LRRC55: variants seen among roughly 807,000 people sequenced by gnomAD.
LRRC55 encodes leucine-rich repeat-containing protein 55.
LRRC55 carries 11 observed loss-of-function variants against 20.5 expected under a neutral mutation model. The observed-to-expected ratio is 0.54, with a 90% CI of 0.34 to 0.89. The LOEUF is 0.89. LRRC55 is among the 40% of genes least tolerant of loss of function. The pLI is 0.02. For synonymous variants in LRRC55, 188 were observed against 166.6 expected, an observed-to-expected ratio of 1.13 and a Z score of -0.99; for missense variants, 358 against 390.9, an observed-to-expected ratio of 0.92 and a Z score of 0.71.
intron 1 of LRRC55, 75 bp downstream of exon 1, chr11:57,182,758 G>C: frequency 7.3e-7 from 1 of 1,372,330 alleles, no homozygotes; most frequent in Non-Finnish European, 9.5e-7. Context: ...CAAAGAAAGC[G>C]GGGGAACTTA....
Position 57,181,989 on chromosome 11 carries a change from C to A in LRRC55, c.-34C>A, listed in dbSNP as rs755135062. ...ATTCCATGGACACAGTCCTCATGGG[C>A]TCCCTCCAGCACTGCTGTTGCCTGC... On this transcript the variant is annotated 5_prime_UTR_variant, in exon 1 of 2. Coordinates refer to ENST00000497933, the MANE Select transcript of LRRC55 (RefSeq NM_001005210.4). 46 of 1,614,056 alleles carry A rather than the reference C, an allele frequency of 2.8e-5. No homozygotes were observed. The highest frequency in any genetic ancestry group is 2.7e-4 in the East Asian group (12 of 44,890).
In LRRC55 at chr11:57,189,154, G is replaced by A. The variant is rs1167412013; in HGVS notation, c.*1674G>A. 2 of 152,160 alleles carry A rather than the reference G, an allele frequency of 1.3e-5. No homozygotes were observed. Among genetic ancestry groups the A allele is most frequent in the African/African-American group, 4.8e-5 (2 of 41,432 alleles). The allele number at this position is 152,160 out of a possible 1,614,324, so 9.4% of individuals were successfully genotyped here. A position where few individuals can be genotyped will look rare whatever the true frequency, so the allele number is the denominator to read the frequency against. Reference sequence around the variant, plus strand: ...ATTCTCCTTGACTTTTCACATCCCTGTGCAGGAGGTAAATCAAACATCAGT... The same window carrying A: ...ATTCTCCTTGACTTTTCACATCCCTATGCAGGAGGTAAATCAAACATCAGT... On this transcript the variant is annotated 3_prime_UTR_variant, in exon 2 of 2. Transcript: ENST00000497933.
intron 1 of LRRC55, among the ~76,000 whole-genome samples, chr11:57,183,318 G>T (rs571513211): frequency 6.6e-6 from 1 of 152,154 alleles, no homozygotes; most frequent in African/African-American, 2.4e-5. Context: ...CTTAAGTTGC[G>T]TGACAGCCAA....
In LRRC55 at chr11:57,191,482, C is replaced by T. The variant is rs902448996; in HGVS notation, c.*4002C>T. 1 of 150,212 alleles carries T rather than the reference C, an allele frequency of 6.7e-6. No homozygotes were observed. Among genetic ancestry groups the T allele is most frequent in the African/African-American group, 2.4e-5 (1 of 40,896 alleles). 9.3% of individuals were successfully genotyped at this position (150,212 alleles called of 1,614,324 possible). A position where few individuals can be genotyped will look rare whatever the true frequency, so the allele number is the denominator to read the frequency against. ...GGGCGTCACAAGGTCTTTTGTAAAT[C>T]ACTATTGTGTTTGTCACAGCACTGG... On this transcript the variant is annotated 3_prime_UTR_variant, in exon 2 of 2. Transcript: ENST00000497933.
At position 57,187,370 on chromosome 11, in the gene LRRC55, T is replaced by A. The variant is rs756976866; in HGVS notation, c.787T>A (p.Phe263Ile). Reference sequence around the variant, plus strand: ...CCTGGATGATTACCTATTCATTGCGTTCGTGGGCTTCGTGGTCTCCATTGC... The same window carrying A: ...CCTGGATGATTACCTATTCATTGCGATCGTGGGCTTCGTGGTCTCCATTGC... ...LTLDDYLFIA[F>I]VGFVVSIASV... The change falls in exon 2 of 2, where the codon TTC becomes ATC. Residue 263 changes from phenylalanine to isoleucine, a missense_variant. By Grantham distance (21) the Phe-to-Ile change is conservative (BLOSUM62 0). This residue lies in a region of LRRC55 where 178 missense variants were observed against 207.9 expected (regional missense o/e 0.86). Transcript: ENST00000497933. 9.9e-6 allele frequency: 16 copies of A among 1,614,074 alleles called. No homozygotes were observed. The highest frequency in any genetic ancestry group is 1.3e-5 in the African/African-American group (1 of 74,926).
intron 1 of LRRC55, among the ~76,000 whole-genome samples, chr11:57,185,839 A>G (rs1854425067): frequency 6.6e-6 from 1 of 152,128 alleles, no homozygotes; most frequent in African/African-American, 2.4e-5. Context: ...TGACCCCAGA[A>G]GAATGAGATG....
In LRRC55 at chr11:57,188,377, G is replaced by A. The variant is rs187279582; in HGVS notation, c.*897G>A. On this transcript the variant is annotated 3_prime_UTR_variant, in exon 2 of 2. Transcript: ENST00000497933. ...CAGGGTCTCACCAGGAAAGTGCACTGTGGGCCACAGACCCACAGCCTGGCA... is the reference window on the plus strand; with the variant it reads ...CAGGGTCTCACCAGGAAAGTGCACTATGGGCCACAGACCCACAGCCTGGCA... 4.6e-5 allele frequency: 7 copies of A among 152,848 alleles called. No individual in the cohort carries two copies. The highest frequency in any genetic ancestry group is 8.8e-5 in the Non-Finnish European group (6 of 68,110). 9.5% of individuals were successfully genotyped at this position (152,848 alleles called of 1,614,324 possible). A position where few individuals can be genotyped will look rare whatever the true frequency, so the allele number is the denominator to read the frequency against.
chr11:57,187,872 T>C lies in LRRC55; in HGVS notation c.*392T>C, dbSNP rs1854455738. ...ATTTGTGAACTGGGTCATCAGGAAA[T>C]ATCTACTTTGTCAGGTAGGCAAAGA... is the stretch of plus-strand genomic sequence containing the variant. On this transcript the variant is annotated 3_prime_UTR_variant, in exon 2 of 2. Transcript: ENST00000497933. 3.4e-6 allele frequency: 1 copy of C among 293,366 alleles called. No individual in the cohort carries two copies. Among genetic ancestry groups the C allele is most frequent in the South Asian group, 3.5e-5 (1 of 28,394 alleles). 18.2% of individuals were successfully genotyped at this position (293,366 alleles called of 1,614,324 possible). A position where few individuals can be genotyped will look rare whatever the true frequency, so the allele number is the denominator to read the frequency against.
chr11:57,183,754 G>A (rs149664483), intron 1 of LRRC55, among the ~76,000 whole-genome samples: 212 of 152,314 alleles, frequency 1.4e-3, no homozygotes, highest in African/African-American at 4.8e-3. Flanking sequence ...ACTGAGATGC[G>A]GCAACTCAAC....
Position 57,182,015 on chromosome 11 carries a change from T to G in LRRC55, c.-8T>G. 6.2e-7 allele frequency: 1 copy of G among 1,614,196 alleles called. No homozygotes were observed. Among genetic ancestry groups the G allele is most frequent in the Non-Finnish European group, 8.5e-7 (1 of 1,180,034 alleles). On this transcript the variant is annotated 5_prime_UTR_variant, in exon 1 of 2. Transcript: ENST00000497933. ...TCCCTCCAGCACTGCTGTTGCCTGC[T>G]GCCTAAGATGGGTGACACTTGGGCC...
Position 57,182,211 on chromosome 11 carries a change from G to A in LRRC55, c.189G>A (p.Leu63=), listed in dbSNP as rs753842687. The A allele has an allele frequency of 4.3e-6, 7 of 1,614,194 alleles. No homozygotes were observed. Among genetic ancestry groups the A allele is most frequent in the Non-Finnish European group, 5.9e-6 (7 of 1,180,042 alleles). Residue 63 remains leucine (L), a synonymous_variant, in exon 1 of 2, where the codon CTG becomes CTA. Coordinates refer to ENST00000497933, the MANE Select transcript of LRRC55 (RefSeq NM_001005210.4). The part of the protein sequence containing the change: ...SQRLFSVPPD[L]PMDTRNLSLA... ...GGCTATTCTCCGTGCCCCCAGACCT[G>A]CCAATGGACACCCGAAACCTCAGCC...
rs1327194786 is a variant in LRRC55, at chr11:57,191,083, T to A, written c.*3603T>A. The stretch of plus-strand genomic sequence containing the variant: ...ATTCCTTTTTAGAAGAGCCCTCATA[T>A]CTGAATCACATCACTTTGGGCCAGT... On this transcript the variant is annotated 3_prime_UTR_variant, in exon 2 of 2. Transcript: ENST00000497933. The A allele has an allele frequency of 6.6e-6, 1 of 152,170 alleles. No homozygotes were observed. The highest frequency in any genetic ancestry group is 2.4e-5 in the African/African-American group (1 of 41,440). 9.4% of individuals were successfully genotyped at this position (152,170 alleles called of 1,614,324 possible). A position where few individuals can be genotyped will look rare whatever the true frequency, so the allele number is the denominator to read the frequency against.
rs1241675195 is a variant in LRRC55 at position 57,190,535 on chromosome 11, A to T, written c.*3055A>T. 6.6e-6 allele frequency: 1 copy of T among 152,226 alleles called. No individual in the cohort carries two copies. The highest frequency in any genetic ancestry group is 2.4e-5 in the African/African-American group (1 of 41,478). 9.4% of individuals were successfully genotyped at this position (152,226 alleles called of 1,614,324 possible). ...CATATCCCTGGTGACCACAGGCTTC[A>T]TTCAAATTGTCCAAACTGGTTAACA... is the stretch of plus-strand genomic sequence containing the variant. On this transcript the variant is annotated 3_prime_UTR_variant, in exon 2 of 2. Transcript: ENST00000497933.
At position 57,187,530 on chromosome 11, in the gene LRRC55, C is replaced by T. The variant is rs1854449822; in HGVS notation, c.*50C>T. ...GCTGCTGACCGCCACAGCTGCTGGC[C>T]ACCAGACGCCCTCCCTGACTGCTCA... On this transcript the variant is annotated 3_prime_UTR_variant, in exon 2 of 2. Transcript: ENST00000497933. 1 of 1,522,746 alleles carries T rather than the reference C, an allele frequency of 6.6e-7. No homozygotes were observed. Among genetic ancestry groups the T allele is most frequent in the South Asian group, 1.2e-5 (1 of 86,700 alleles). The allele number at this position is 1,522,746 out of a possible 1,614,324, so 94.3% of individuals were successfully genotyped here. A position where few individuals can be genotyped will look rare whatever the true frequency, so the allele number is the denominator to read the frequency against.
Position 57,188,581 on chromosome 11 carries a change from C to A in LRRC55, c.*1101C>A, listed in dbSNP as rs907205623. On this transcript the variant is annotated 3_prime_UTR_variant, in exon 2 of 2. Coordinates refer to ENST00000497933, the MANE Select transcript of LRRC55 (RefSeq NM_001005210.4). ...TGCACAAACCATTCCCTTTGACACACACACACACAAATCTTTTGAGGTGAA... is the reference window on the plus strand; with the variant it reads ...TGCACAAACCATTCCCTTTGACACAAACACACACAAATCTTTTGAGGTGAA... 6.6e-6 allele frequency: 1 copy of A among 152,214 alleles called. No individual in the cohort carries two copies. Among genetic ancestry groups the A allele is most frequent in the Non-Finnish European group, 1.5e-5 (1 of 68,036 alleles). The allele number at this position is 152,214 out of a possible 1,614,324, so 9.4% of individuals were successfully genotyped here. A position where few individuals can be genotyped will look rare whatever the true frequency, so the allele number is the denominator to read the frequency against.
At chr11:57,183,474 C>G (rs1006932016) in intron 1 of LRRC55, among the ~76,000 whole-genome samples, 1 of 152,182 alleles carries the variant, frequency 6.6e-6, no homozygotes, top group African/African-American at 2.4e-5. Context: ...CAGAGAGGTT[C>G]AGTAGCTTGT....
rs1590514181 is a variant in LRRC55 at position 57,189,555 on chromosome 11, T to A, written c.*2075T>A. 6.6e-6 allele frequency: 1 copy of A among 152,146 alleles called. No individual in the cohort carries two copies. Among genetic ancestry groups the A allele is most frequent in the Non-Finnish European group, 1.5e-5 (1 of 68,052 alleles). 9.4% of individuals were successfully genotyped at this position (152,146 alleles called of 1,614,324 possible). ...GCAGTCATGTGAAAAGTAAGATCTTTGGGAATCAAGAAAGGAAGCTGTGTT... is the reference window on the plus strand; with the variant it reads ...GCAGTCATGTGAAAAGTAAGATCTTAGGGAATCAAGAAAGGAAGCTGTGTT... On this transcript the variant is annotated 3_prime_UTR_variant, in exon 2 of 2. Coordinates refer to ENST00000497933, the MANE Select transcript of LRRC55 (RefSeq NM_001005210.4).
Position 57,187,894 on chromosome 11 carries a change from A to G in LRRC55, c.*414A>G. 3.5e-6 allele frequency: 1 copy of G among 283,280 alleles called. No homozygotes were observed. The highest frequency in any genetic ancestry group is 6.8e-6 in the Non-Finnish European group (1 of 147,938). The allele number at this position is 283,280 out of a possible 1,614,324, so 17.5% of individuals were successfully genotyped here. On this transcript the variant is annotated 3_prime_UTR_variant, in exon 2 of 2. Transcript: ENST00000497933. ...AAATATCTACTTTGTCAGGTAGGCA[A>G]AGAAGGGTGTCTGCACATGGCAGAG...
At chr11:57,184,610 C>T (rs1854405255) in intron 1 of LRRC55, among the ~76,000 whole-genome samples, 3 of 152,240 alleles carry the variant, frequency 2.0e-5, no homozygotes, top group African/African-American at 7.2e-5. Flanking sequence ...AGGTGATGCT[C>T]TTCCCTTTAG....
Sources: gnomAD v4.1 joint callset for allele counts (sites outside exome capture counted in the v4.1 genomes callset) on GRCh38, gnomAD v4.1.1 for gene constraint, gnomAD v4.1.1 regional missense constraint, MANE v1.5 for transcripts, NCBI Gene and HGNC (gene_info 2026-07-23, HGNC 2026-07-21) for gene names.